The following UGT2B4 variants were observed in gnomAD, a reference collection of about 807,000 sequenced individuals.
UGT2B4 encodes the protein UDP glucuronosyltransferase family 2 member B4.
A neutral mutation model predicts 49.8 loss-of-function variants in UGT2B4; 49 were observed. The ratio of observed to expected loss-of-function variants is 0.98; its 90% CI spans 0.78 to 1.25. The LOEUF is 1.25. UGT2B4 is among the 50% of genes most tolerant of loss of function. The pLI is 0.00. For missense variants in UGT2B4, 729 were observed against 627.7 expected, an observed-to-expected ratio of 1.16 and a Z score of -1.73; for synonymous variants, 246 against 217.7, an observed-to-expected ratio of 1.13 and a Z score of -1.14.
At chr4:69,500,666 A>AAAGAAAGGAAGGAAGG (rs1444201529), upstream of UGT2B4, among the ~76,000 whole-genome samples, 2 of 113,796 alleles carry the variant, frequency 1.8e-5, no homozygotes, top group Non-Finnish European at 4.3e-5. Context: ...AGAAAGAAAG[A>AAAGAAAGGAAGGAAGG]AAGGAAGGAA....
At chr4:69,490,733 A>T (rs1727958769) in intron 2 of UGT2B4, among the ~76,000 whole-genome samples, 2 of 152,176 alleles carry the variant, frequency 1.3e-5, no homozygotes. Flanking sequence ...ATCTTAAGAC[A>T]TCAGTGTTAA....
chr4:69,499,155 C>T (rs972958169), upstream of UGT2B4, among the ~76,000 whole-genome samples: 6 of 152,104 alleles, frequency 3.9e-5, no homozygotes, highest in Non-Finnish European at 8.8e-5. Context: ...TGTTCAATTT[C>T]CCTGTAGTTG....
intron 3 of UGT2B4, among the ~76,000 whole-genome samples, chr4:69,487,168 A>G (rs1172671334): frequency 1.3e-5 from 2 of 152,192 alleles, no homozygotes; most frequent in Non-Finnish European, 2.9e-5. Context: ...GGAAGACAGC[A>G]TGGCGATTCC....
In UGT2B4 at chr4:69,483,759, G is replaced by A. The variant is rs41297721; in HGVS notation, c.1310+1449C>T. Among the ~76,000 whole-genome samples the A allele has an allele frequency of 8.2e-3, 1,250 of 152,002 alleles. 20 individuals carry two copies. Among genetic ancestry groups the A allele is most frequent in the African/African-American group, 0.028 (1,170 of 41,470 alleles). On this transcript the variant is annotated intron_variant, in intron 5 of 5. Coordinates refer to ENST00000305107, the MANE Select transcript of UGT2B4 (RefSeq NM_021139.3). The stretch of plus-strand genomic sequence containing the variant: ...AGCTGGGTTGGGCAAGGCATTTTGC[G>A]CATTGCTTTCTTTGGAGTATGAAAA...
chr4:69,507,607 G>A (rs1249687012), intron 1 of UGT2B4, among the ~76,000 whole-genome samples: 2 of 152,078 alleles, frequency 1.3e-5, no homozygotes, highest in Admixed American at 6.6e-5. Context: ...CCATGCTCAT[G>A]AATAGGAAGA....
At chr4:69,502,135 TTCTTTCTTTCTTTCTC>T (rs1728350899) in intron 1 of UGT2B4, among the ~76,000 whole-genome samples, 1 of 137,680 alleles carries the variant, frequency 7.3e-6, no homozygotes, top group South Asian at 2.3e-4. Flanking sequence ...CTTTCTTTCT[TTCTTTCTTTCTTTCTC>T]TTTCTTTCTT....
At chr4:69,520,312 G>A (rs1270228516) in intron 1 of UGT2B4, among the ~76,000 whole-genome samples, 2 of 152,194 alleles carry the variant, frequency 1.3e-5, no homozygotes, top group Non-Finnish European at 2.9e-5. Flanking sequence ...CTCTCAGCCC[G>A]TACGACACAG....
Position 69,495,639 on chromosome 4 carries a change from C to G in UGT2B4, c.223G>C (p.Glu75Gln). The G allele has an allele frequency of 6.2e-7, 1 of 1,613,918 alleles. No homozygotes were observed. ...DPNSPSTLKFEVYPVSLTKTE... is the reference protein window; with the variant it reads ...DPNSPSTLKFQVYPVSLTKTE... ...TTAGTTAAAGATACAGGATAAACTT[C>G]AAATTTAAGAGTAGATGGGCTGTTG... The change falls in exon 1 of 6, where the codon GAA (glutamate) becomes CAA (glutamine). Residue 75 changes from glutamate to glutamine, a missense_variant. Physicochemically the swap from Glu to Gln is conservative, Grantham distance 29. Transcript: ENST00000305107.
intron 1 of UGT2B4, among the ~76,000 whole-genome samples, chr4:69,512,942 C>G (rs1182748730): frequency 3.3e-5 from 5 of 151,994 alleles, no homozygotes; most frequent in Non-Finnish European, 7.4e-5. Flanking sequence ...TTGTTTTTCT[C>G]TTGTAAATTT....
intron 2 of UGT2B4, among the ~76,000 whole-genome samples, chr4:69,491,732 T>C (rs1425149716): frequency 6.6e-6 from 1 of 152,100 alleles, no homozygotes; most frequent in Non-Finnish European, 1.5e-5. Flanking sequence ...CTTCTCCCTC[T>C]TACTGGCACT....
intron 3 of UGT2B4, 64 bp downstream of exon 3, chr4:69,489,375 T>C: frequency 6.3e-7 from 1 of 1,588,620 alleles, no homozygotes; most frequent in Admixed American, 1.7e-5. Context: ...TACAATTGGG[T>C]TCTTTACAAA....
intron 1 of UGT2B4, among the ~76,000 whole-genome samples, chr4:69,509,071 T>C (rs1389944417): frequency 6.6e-6 from 1 of 152,158 alleles, no homozygotes; most frequent in Admixed American, 6.6e-5. Flanking sequence ...AGTGGAAGCA[T>C]GCAGTGTTTG....
intron 1 of UGT2B4, among the ~76,000 whole-genome samples, chr4:69,521,729 C>T (rs1332776035): frequency 1.3e-5 from 2 of 152,204 alleles, no homozygotes; most frequent in Non-Finnish European, 2.9e-5. Flanking sequence ...AGTGCCACCA[C>T]ACACAGAGGG....
intron 5 of UGT2B4, among the ~76,000 whole-genome samples, chr4:69,481,450 G>A (rs1193199914): frequency 6.6e-6 from 1 of 152,154 alleles, no homozygotes; most frequent in African/African-American, 2.4e-5. Context: ...TATTTTTAAA[G>A]TAACAATGGA....
At chr4:69,496,855 G>A (rs1281852592), upstream of UGT2B4, among the ~76,000 whole-genome samples, 1 of 151,750 alleles carries the variant, frequency 6.6e-6, no homozygotes, top group Non-Finnish European at 1.5e-5. Flanking sequence ...GCATTTACGT[G>A]TTGATTCTTA....
intron 1 of UGT2B4, among the ~76,000 whole-genome samples, chr4:69,516,275 C>T (rs1817904): frequency 0.95 from 145,069 of 152,308 alleles, 69,498 homozygotes; most frequent in East Asian, 1. Context: ...CCATTATGAA[C>T]AGTGCGGCAG....
At chr4:69,485,106 C>G (rs1727732098) in intron 5 of UGT2B4, 102 bp downstream of exon 5, 3 of 1,386,174 alleles carry the variant, frequency 2.2e-6, no homozygotes, top group South Asian at 2.6e-5. Context: ...CACTTAAATT[C>G]TTTCGAAATC....
exon 1 of UGT2B4, chr4:69,525,808 G>T: frequency 9.1e-7 from 1 of 1,093,894 alleles, no homozygotes; most frequent in Non-Finnish European, 1.2e-6. Context: ...TTATATTAAA[G>T]AAAGGGCTCC....
chr4:69,519,172 G>T lies in UGT2B4; in HGVS notation c.-106+6515C>A, dbSNP rs1384012505. 7.2e-5 allele frequency among the ~76,000 whole-genome samples: 11 copies of T among 152,190 alleles called. No individual in the cohort carries two copies. The South Asian group carries it at 2.3e-3, about 32-fold the overall frequency. ...TTATGGATTTGAATTCTAGTTTTAGGTAAAAAGATTTACTCAGATTTTAAA... is the reference window on the plus strand; with the variant it reads ...TTATGGATTTGAATTCTAGTTTTAGTTAAAAAGATTTACTCAGATTTTAAA... On this transcript the variant is annotated intron_variant, in intron 1 of 1. Transcript: ENST00000510114.
Sources: gnomAD v4.1 joint callset for allele counts (sites outside exome capture counted in the v4.1 genomes callset) on GRCh38, gnomAD v4.1.1 for gene constraint, MANE v1.5 for transcripts, NCBI Gene and HGNC (gene_info 2026-07-23, HGNC 2026-07-21) for gene names.